The following MYH10 variants were observed in gnomAD, a reference collection of about 807,000 sequenced individuals.
MYH10 encodes myosin heavy chain 10.
MYH10 carries 55 observed loss-of-function variants against 257.8 expected under a neutral mutation model. The ratio of observed to expected loss-of-function variants is 0.21; its 90% CI spans 0.17 to 0.27. The LOEUF is 0.27. MYH10 is among the 10% of genes least tolerant of loss of function. MYH10 has a pLI of 1.00. For synonymous variants in MYH10, 854 were observed against 921.7 expected (o/e 0.93, Z 1.33); for missense variants, 1,631 against 2,500.6 (o/e 0.65, Z 7.42).
chr17:8,475,818 G>A lies in MYH10; in HGVS notation c.6010C>T (p.Pro2004Ser). The A allele has an allele frequency of 6.2e-7, 1 of 1,614,186 alleles. No homozygotes were observed. The highest frequency in any genetic ancestry group is 8.5e-7 in the Non-Finnish European group (1 of 1,180,010). ...TTCCTGCAACTTTACTCTGACTGGG[G>A]TGGCTGCGTCTCGTTGACATCACTG... ...KTSDVNETQPPQSE is the reference protein window; with the variant it reads ...KTSDVNETQPSQSE The change falls in exon 43 of 43, where the codon CCC (proline) becomes TCC (serine). Residue 2004 changes from proline to serine, a missense_variant. Around this residue, in one of 11 missense-constraint regions of MYH10, gnomAD observed 343 missense variants for 389.5 expected, o/e 0.88. Coordinates refer to ENST00000360416, the MANE Select transcript of MYH10 (RefSeq NM_001256012.3).
chr17:8,513,709 C>T lies in MYH10; in HGVS notation c.2614-40G>A, dbSNP rs189162114. ...AGCAGTTTTTTTTTTTTTATCATTC[C>T]AGCTCTTTCCTATGGGTTTTTCCTG... On this transcript the variant is annotated intron_variant, in intron 22 of 42. Transcript: ENST00000360416. 168 of 1,607,364 alleles carry T rather than the reference C, an allele frequency of 1.0e-4. 1 individual carries two copies. The East Asian group carries it at 2.3e-3, about 22-fold the overall frequency.
At chr17:8,599,998 C>T (rs374899) in intron 3 of MYH10, among the ~76,000 whole-genome samples, 147,706 of 152,256 alleles carry the variant, frequency 0.97, 71,819 homozygotes, top group Middle Eastern at 1. Flanking sequence ...CTGGAGCCTG[C>T]AGAGGTTTGA....
chr17:8,569,054 A>T lies in MYH10; in HGVS notation c.756+666T>A, dbSNP rs913117398. The stretch of plus-strand genomic sequence containing the variant: ...AGTGAGACCCTAGTCTCTAAAAAAA[A>T]AAAAGTTACTCTTTTAAATTAGCCT... On this transcript the variant is annotated intron_variant, in intron 7 of 42. Coordinates refer to ENST00000360416, the MANE Select transcript of MYH10 (RefSeq NM_001256012.3). The surrounding 1 kb of genome is among the most constrained non-coding windows in gnomAD (Gnocchi z 4.1). 6.6e-6 allele frequency among the ~76,000 whole-genome samples: 1 copy of T among 151,254 alleles called. No individual in the cohort carries two copies. The highest frequency in any genetic ancestry group is 6.6e-5 in the Admixed American group (1 of 15,232).
intron 30 of MYH10, among the ~76,000 whole-genome samples, chr17:8,497,831 C>A (rs1916892364): frequency 6.7e-6 from 1 of 150,146 alleles, no homozygotes; most frequent in East Asian, 1.9e-4. Context: ...GGGTTATTTC[C>A]TAAAAACATG....
intron 4 of MYH10, among the ~76,000 whole-genome samples, chr17:8,588,313 G>A (rs1488652992): frequency 2.6e-5 from 4 of 151,996 alleles, no homozygotes; most frequent in African/African-American, 9.7e-5. Flanking sequence ...ATATCCAAGA[G>A]CCCAATGACA....
At chr17:8,515,701 C>G (rs1597713073) in intron 21 of MYH10, among the ~76,000 whole-genome samples, 1 of 151,784 alleles carries the variant, frequency 6.6e-6, no homozygotes. Flanking sequence ...CACCACCATG[C>G]CTTGCTAATT....
At position 8,514,466 on chromosome 17, in the gene MYH10, A is replaced by G. The variant is rs570558594; in HGVS notation, c.2505-572T>C. On this transcript the variant is annotated intron_variant, in intron 21 of 42. Transcript: ENST00000360416. ...CTCCAGGGCCTGGAGATGACTCTAG[A>G]TCTGTGGAGCCCTCACCTCCTTGTG... 5.3e-5 allele frequency among the ~76,000 whole-genome samples: 8 copies of G among 152,018 alleles called. No individual in the cohort carries two copies. In the East Asian group the frequency reaches 1.6e-3, roughly 29 times the overall value.
At chr17:8,487,213 AG>A (rs1467224204) in intron 36 of MYH10, among the ~76,000 whole-genome samples, 1 of 152,222 alleles carries the variant, frequency 6.6e-6, no homozygotes, top group Non-Finnish European at 1.5e-5. Flanking sequence ...GGGCCACAGG[AG>A]GCCAGCATGA....
chr17:8,590,301 G>A (rs2084074664), intron 3 of MYH10, among the ~76,000 whole-genome samples: 1 of 152,080 alleles, frequency 6.6e-6, no homozygotes, highest in African/African-American at 2.4e-5. Flanking sequence ...TCCTGCTCAA[G>A]TCTAATTTCT....
At chr17:8,570,104 G>T (rs1223869051) in intron 6 of MYH10, among the ~76,000 whole-genome samples, 2 of 152,180 alleles carry the variant, frequency 1.3e-5, no homozygotes, top group Admixed American at 6.5e-5. Context: ...AGAGAATTTT[G>T]AAAATAAAAC....
intron 9 of MYH10, among the ~76,000 whole-genome samples, chr17:8,550,492 CA>C (rs2151960947): frequency 6.6e-6 from 1 of 151,900 alleles, no homozygotes; most frequent in Admixed American, 6.5e-5. Context: ...CTCCGCCCGG[CA>C]GCCACCCCGT....
rs201237812 is a variant in MYH10 at position 8,610,430 on chromosome 17, C to CA, written c.346-5449dup. On this transcript the variant is annotated intron_variant, in intron 2 of 42. Transcript: ENST00000360416. ...ATAGTGAGACCCCTATCTCCAGAAG[C>CA]AAAAAAAAATAAAAAATAAATAAAA... Among the ~76,000 whole-genome samples, 1,281 of 139,520 alleles carry CA rather than the reference C, an allele frequency of 9.2e-3. 11 individuals carry two copies. Among genetic ancestry groups the CA allele is most frequent in the African/African-American group, 0.027 (1,029 of 37,526 alleles). The allele number at this position is 139,520 out of a possible 152,430, so 91.5% of individuals were successfully genotyped here.
At chr17:8,559,043 C>CTACAGA (rs1407293631) in intron 7 of MYH10, among the ~76,000 whole-genome samples, 27 of 152,128 alleles carry the variant, frequency 1.8e-4, no homozygotes, top group African/African-American at 5.8e-4. Flanking sequence ...GAAAATCTTC[C>CTACAGA]TACAGAATGA....
intron 25 of MYH10, 69 bp downstream of exon 25, chr17:8,509,743 G>C: frequency 7.0e-7 from 1 of 1,435,904 alleles, no homozygotes; most frequent in Non-Finnish European, 9.3e-7. Flanking sequence ...TTCAATGAGT[G>C]TATCAACATA....
rs767475330 is a variant in MYH10, at chr17:8,476,972, T to C, written c.5783A>G (p.Asn1928Ser). The C allele has an allele frequency of 5.0e-6, 8 of 1,614,158 alleles. No homozygotes were observed. Among genetic ancestry groups the C allele is most frequent in the Admixed American group, 1.7e-5 (1 of 60,026 alleles). ...EEAEEEATRANASRRKLQREL... is the reference protein window; with the variant it reads ...EEAEEEATRASASRRKLQREL... ...CCGCTGGAGTTTACGCCGAGATGCG[T>C]TGGCACGCGTCGCTTCTTCTTCTGC... The change falls in exon 42 of 43, where the codon AAC (asparagine) becomes AGC (serine). Residue 1928 changes from asparagine to serine, a missense_variant. By Grantham distance (46) the Asn-to-Ser change is conservative. Around this residue, in one of 11 missense-constraint regions of MYH10, gnomAD observed 343 missense variants for 389.5 expected, o/e 0.88. Transcript: ENST00000360416.
chr17:8,556,832 A>G (rs1173017197), intron 7 of MYH10, among the ~76,000 whole-genome samples: 1 of 152,238 alleles, frequency 6.6e-6, no homozygotes, highest in Non-Finnish European at 1.5e-5. Context: ...TTTTAAAAAT[A>G]TAACTCAACA....
At chr17:8,607,526 A>C (rs2152080270) in intron 2 of MYH10, among the ~76,000 whole-genome samples, 1 of 152,360 alleles carries the variant, frequency 6.6e-6, no homozygotes, top group Non-Finnish European at 1.5e-5. Context: ...AAGAAGGAAC[A>C]TTATTAAAGT....
At chr17:8,600,604 G>T (rs2084554064) in intron 3 of MYH10, among the ~76,000 whole-genome samples, 1 of 152,184 alleles carries the variant, frequency 6.6e-6, no homozygotes, top group African/African-American at 2.4e-5. Flanking sequence ...TAAAAACTAT[G>T]AAGTAACACA....
chr17:8,617,339 G>A (rs1043044015), intron 2 of MYH10, among the ~76,000 whole-genome samples: 5 of 152,142 alleles, frequency 3.3e-5, no homozygotes, highest in Non-Finnish European at 5.9e-5. Context: ...ACCTCTCTGA[G>A]TTGAGGCAAC....
Sources: gnomAD v4.1 joint callset for allele counts (sites outside exome capture counted in the v4.1 genomes callset) on GRCh38, gnomAD v4.1.1 for gene constraint, gnomAD v4.1.1 regional missense constraint, Gnocchi (gnomAD v3.1) non-coding constraint, MANE v1.5 for transcripts, NCBI Gene and HGNC (gene_info 2026-07-23, HGNC 2026-07-21) for gene names.